The following NCAPH variants were observed in gnomAD, a reference collection of about 807,000 sequenced individuals.
NCAPH encodes condensin complex subunit 2.
In NCAPH, 38 loss-of-function variants were observed where a neutral mutation model predicts 85.5. The ratio of observed to expected loss-of-function variants is 0.44; its 90% confidence interval spans 0.34 to 0.58. The LOEUF (loss-of-function observed/expected upper bound fraction) is 0.58, where lower values mean the gene tolerates loss of function less well. NCAPH is among the 20% of genes least tolerant of loss of function. NCAPH has a pLI of 0.01. For missense variants in NCAPH, 789 were observed against 916.6 expected (o/e 0.86, Z 1.80); for synonymous variants, 301 against 335.1 (o/e 0.90, Z 1.11).
intron 1 of NCAPH, among the ~76,000 whole-genome samples, chr2:96,338,311 G>T (rs2064243871): frequency 6.8e-6 from 1 of 147,618 alleles, no homozygotes; most frequent in Non-Finnish European, 1.5e-5. Context: ...CCTGCTCCCT[G>T]CCTGCATCTG....
intron 13 of NCAPH, among the ~76,000 whole-genome samples, chr2:96,364,925 G>A (rs1032447273): frequency 1.1e-4 from 16 of 152,246 alleles, no homozygotes; most frequent in Admixed American, 3.9e-4. Context: ...TAAACACTTT[G>A]TCCTCTTATG....
At chr2:96,372,405 T>C (rs2064785974) in intron 17 of NCAPH, among the ~76,000 whole-genome samples, 1 of 152,046 alleles carries the variant, frequency 6.6e-6, no homozygotes, top group Non-Finnish European at 1.5e-5. Context: ...GGAGGAGGCA[T>C]GCATGGTTGG....
intron 9 of NCAPH, among the ~76,000 whole-genome samples, chr2:96,355,665 A>G (rs1305061155): frequency 6.8e-6 from 1 of 146,258 alleles, no homozygotes; most frequent in Admixed American, 6.8e-5. Flanking sequence ...TTTTTGAGAC[A>G]GAGTCTCGGT....
Position 96,374,276 on chromosome 2 carries a change from A to G in NCAPH, c.*925A>G, listed in dbSNP as rs2104518017. Among the ~76,000 whole-genome samples the G allele has an allele frequency of 6.6e-6, 1 of 152,354 alleles. No individual in the cohort carries two copies. The highest frequency in any genetic ancestry group is 2.1e-4 in the South Asian group (1 of 4,828). On this transcript the variant is annotated 3_prime_UTR_variant, in exon 18 of 18. Transcript: ENST00000240423. ...GCTCTCGGCCATTGTGCTATGTGCT[A>G]CCTGGATAGGTCATACAGGCTCAGC...
intron 13 of NCAPH, among the ~76,000 whole-genome samples, 179 bp from the exon 14 acceptor site, chr2:96,365,697 A>G (rs1390987229): frequency 6.6e-6 from 1 of 152,164 alleles, no homozygotes; most frequent in Non-Finnish European, 1.5e-5. Context: ...CACCTCTCTA[A>G]TAGGGTTTAC....
Position 96,374,561 on chromosome 2 carries a change from G to A in NCAPH, c.*1210G>A, listed in dbSNP as rs1422474212. On this transcript the variant is annotated 3_prime_UTR_variant, in exon 18 of 18. Coordinates refer to ENST00000240423, the MANE Select transcript of NCAPH (RefSeq NM_015341.5). Reference sequence around the variant, plus strand: ...GCAGTGAAGTATATAATTGGAAATTGCTCCTGATAATAACTTCCTTCTTAG... The same window carrying A: ...GCAGTGAAGTATATAATTGGAAATTACTCCTGATAATAACTTCCTTCTTAG... Among the ~76,000 whole-genome samples, 1 of 152,154 alleles carries A rather than the reference G, an allele frequency of 6.6e-6. No homozygotes were observed. The highest frequency in any genetic ancestry group is 1.5e-5 in the Non-Finnish European group (1 of 68,030).
intron 1 of NCAPH, 23 bp downstream of exon 1, chr2:96,335,871 G>C: frequency 6.8e-7 from 1 of 1,462,802 alleles, no homozygotes. Flanking sequence ...GTCGGGAGGC[G>C]CGGCGGGAAG....
chr2:96,353,264 C>A, intron 7 of NCAPH, 42 bp from the exon 8 acceptor site: 1 of 1,538,062 alleles, frequency 6.5e-7, no homozygotes, highest in Non-Finnish European at 9.0e-7. Context: ...ATGCACTTGA[C>A]CCCCTTCTAA....
chr2:96,342,018 G>A, intron 2 of NCAPH, 32 bp from the exon 3 acceptor site: 1 of 1,604,858 alleles, frequency 6.2e-7, no homozygotes, highest in African/African-American at 1.3e-5. Flanking sequence ...ATGGATTCTT[G>A]CCAGAGTTGT....
At chr2:96,362,587 AG>A (rs2064640057) in intron 12 of NCAPH, among the ~76,000 whole-genome samples, 1 of 151,766 alleles carries the variant, frequency 6.6e-6, no homozygotes, top group African/African-American at 2.4e-5. Context: ...CTGAGATTAC[AG>A]TACACTGCAC....
At chr2:96,354,555 G>A (rs928878594) in intron 9 of NCAPH, among the ~76,000 whole-genome samples, 167 bp downstream of exon 9, 1 of 151,960 alleles carries the variant, frequency 6.6e-6, no homozygotes, top group Non-Finnish European at 1.5e-5. Context: ...AACTCTTGGG[G>A]CTCAAGCAAT....
intron 9 of NCAPH, 123 bp downstream of exon 9, chr2:96,354,511 C>A: frequency 2.4e-6 from 2 of 844,510 alleles, no homozygotes; most frequent in Non-Finnish European, 3.4e-6. Context: ...AAAATAGAGA[C>A]GGGCATCTCA....
chr2:96,343,420 C>G, intron 5 of NCAPH, 116 bp downstream of exon 5: 2 of 1,295,978 alleles, frequency 1.5e-6, no homozygotes, highest in Non-Finnish European at 2.1e-6. Context: ...TTATTGAAGA[C>G]AGGGCATTTT....
chr2:96,364,401 A>G, intron 12 of NCAPH, 80 bp from the exon 13 acceptor site: 1 of 871,986 alleles, frequency 1.1e-6, no homozygotes, highest in Non-Finnish European at 1.8e-6. Flanking sequence ...GAGATTGGGC[A>G]TAGGAATTAA....
chr2:96,369,113 T>C, intron 16 of NCAPH, 50 bp downstream of exon 16: 1 of 1,516,930 alleles, frequency 6.6e-7, no homozygotes. Context: ...CTCTCTGAGC[T>C]GTCCGCGTGG....
rs577613639 is a variant in NCAPH at position 96,356,162 on chromosome 2, C to T, written c.1208+1774C>T. On this transcript the variant is annotated intron_variant, in intron 9 of 17. Coordinates refer to ENST00000240423, the MANE Select transcript of NCAPH (RefSeq NM_015341.5). ...CTTCTCTCCCCTATTCCAAACAGCA[C>T]AAAATCTTAGACTCTATCCTACCTA... Among the ~76,000 whole-genome samples the T allele has an allele frequency of 2.6e-5, 4 of 152,306 alleles. No homozygotes were observed. In the South Asian group the frequency reaches 8.3e-4, roughly 32 times the overall value.
Position 96,363,714 on chromosome 2 carries a change from A to G in NCAPH, c.1588-767A>G, listed in dbSNP as rs79892037. ...CCACGAGGCTCTGGAATACAGAATG[A>G]GGATGATGGATGTAATTAGAGGGAA... On this transcript the variant is annotated intron_variant, in intron 12 of 17. Coordinates refer to ENST00000240423, the MANE Select transcript of NCAPH (RefSeq NM_015341.5). 1.3e-3 allele frequency among the ~76,000 whole-genome samples: 195 copies of G among 152,334 alleles called. 5 individuals are homozygous for G. In the East Asian group the frequency reaches 0.031, roughly 24 times the overall value.
intron 17 of NCAPH, among the ~76,000 whole-genome samples, chr2:96,371,438 G>C (rs1432509778): frequency 6.6e-6 from 1 of 152,168 alleles, no homozygotes; most frequent in Non-Finnish European, 1.5e-5. Flanking sequence ...GCGGCTTCAT[G>C]GCCCTCACTT....
At position 96,359,468 on chromosome 2, in the gene NCAPH, T is replaced by C. The variant is rs1333408981; in HGVS notation, c.1357+275T>C. 3 of 427,320 alleles carry C rather than the reference T, an allele frequency of 7.0e-6. No homozygotes were observed. The East Asian group carries it at 1.2e-4, about 17-fold the overall frequency. 26.5% of individuals were successfully genotyped at this position (427,320 alleles called of 1,614,324 possible). A position where few individuals can be genotyped will look rare whatever the true frequency, so the allele number is the denominator to read the frequency against. ...CACTGCTCCCTAGTATCCACATGACTTCACTCAGTGGTCACGGGTGGGCAT... is the reference window on the plus strand; with the variant it reads ...CACTGCTCCCTAGTATCCACATGACCTCACTCAGTGGTCACGGGTGGGCAT... On this transcript the variant is annotated intron_variant, in intron 10 of 17. Coordinates refer to ENST00000240423, the MANE Select transcript of NCAPH (RefSeq NM_015341.5).
Sources: gnomAD v4.1 joint callset for allele counts (sites outside exome capture counted in the v4.1 genomes callset) on GRCh38, gnomAD v4.1.1 for gene constraint, MANE v1.5 for transcripts, NCBI Gene and HGNC (gene_info 2026-07-23, HGNC 2026-07-21) for gene names.